The following PPFIA2 variants were observed in gnomAD, a reference collection of about 807,000 sequenced individuals.
PPFIA2 encodes PPFI scaffold protein A2.
In PPFIA2, 46 loss-of-function variants were observed where a neutral mutation model predicts 175.5. The ratio of observed to expected loss-of-function variants is 0.26; its 90% CI spans 0.21 to 0.34. The LOEUF (loss-of-function observed/expected upper bound fraction) is 0.34. PPFIA2 is among the 10% of genes least tolerant of loss of function. The pLI is 1.00. For synonymous variants in PPFIA2, 568 were observed against 511.4 expected, an observed-to-expected ratio of 1.11 and a Z score of -1.49; for missense variants, 1,179 against 1,506.1, an observed-to-expected ratio of 0.78 and a Z score of 3.60.
intron 9 of PPFIA2, among the ~76,000 whole-genome samples, chr12:81,383,506 C>G (rs1046588256): frequency 1.3e-5 from 2 of 151,712 alleles, no homozygotes; most frequent in African/African-American, 4.8e-5. Flanking sequence ...GACTAAAGTA[C>G]TCATTTTTTT....
chr12:81,593,241 C>T, intron 4 of PPFIA2, among the ~76,000 whole-genome samples: 1 of 151,868 alleles, frequency 6.6e-6, no homozygotes, highest in East Asian at 1.9e-4. Flanking sequence ...ATTAAAAATC[C>T]TCAAAAAGGC....
intron 23 of PPFIA2, chr12:81,297,925 T>G (rs2046886615): frequency 6.6e-6 from 1 of 152,262 alleles, no homozygotes; most frequent in Non-Finnish European, 1.5e-5. Context: ...TATTCCATTT[T>G]ATAATTTAAG....
At chr12:81,458,824 C>T (rs1307331840) in intron 4 of PPFIA2, among the ~76,000 whole-genome samples, 2 of 152,026 alleles carry the variant, frequency 1.3e-5, no homozygotes, top group Non-Finnish European at 2.9e-5. Flanking sequence ...TATCACCAAA[C>T]CCTTTAGAGT....
chr12:81,445,459 T>G, intron 6 of PPFIA2, 97 bp downstream of exon 6: 2 of 1,169,620 alleles, frequency 1.7e-6, no homozygotes. Context: ...CTCAACTGAC[T>G]GACTTTAGGA....
intron 9 of PPFIA2, among the ~76,000 whole-genome samples, chr12:81,376,546 T>C (rs1353424352): frequency 6.6e-6 from 1 of 152,136 alleles, no homozygotes; most frequent in East Asian, 1.9e-4. Context: ...CACATAAATA[T>C]AGGAAAAAAT....
At chr12:81,625,033 G>C (rs1459869126) in intron 4 of PPFIA2, among the ~76,000 whole-genome samples, 1 of 151,680 alleles carries the variant, frequency 6.6e-6, no homozygotes, top group Non-Finnish European at 1.5e-5. Flanking sequence ...GGCAGTATGG[G>C]AAATGTCACT....
chr12:81,425,904 A>G (rs1323370749), intron 7 of PPFIA2, among the ~76,000 whole-genome samples: 2 of 152,228 alleles, frequency 1.3e-5, no homozygotes, highest in Non-Finnish European at 2.9e-5. Flanking sequence ...AAAATATTCA[A>G]TTAAAAAAAT....
chr12:81,619,297 G>C (rs907041862), intron 4 of PPFIA2, among the ~76,000 whole-genome samples: 1 of 152,180 alleles, frequency 6.6e-6, no homozygotes, highest in Admixed American at 6.5e-5. Context: ...ATAAAGTGTG[G>C]TTAATCATAC....
Position 81,422,156 on chromosome 12 carries a change from A to G in PPFIA2, c.646-16253T>C, listed in dbSNP as rs201214053. On this transcript the variant is annotated intron_variant, in intron 7 of 32. Transcript: ENST00000549396. Reference sequence around the variant, plus strand: ...TATATATGTGTATATATATGTGTGTATATATATATATATATATGTCATTTT... The same window carrying G: ...TATATATGTGTATATATATGTGTGTGTATATATATATATATATGTCATTTT... Among the ~76,000 whole-genome samples, 239 of 102,454 alleles carry G rather than the reference A, an allele frequency of 2.3e-3. 6 individuals are homozygous for G. Among genetic ancestry groups the G allele is most frequent in the African/African-American group, 6.6e-3 (122 of 18,574 alleles). 67.2% of individuals were successfully genotyped at this position (102,454 alleles called of 152,430 possible).
At chr12:81,597,282 G>A (rs1178033828) in intron 4 of PPFIA2, among the ~76,000 whole-genome samples, 66 of 151,972 alleles carry the variant, frequency 4.3e-4, no homozygotes, top group Admixed American at 4.2e-3. Flanking sequence ...ACTGATGGCT[G>A]ATTTATTCAC....
In PPFIA2 at chr12:81,405,869, T is replaced by C; in HGVS notation, c.680A>G (p.Gln227Arg). 6.3e-7 allele frequency: 1 copy of C among 1,576,314 alleles called. No homozygotes were observed. Among genetic ancestry groups the C allele is most frequent in the Non-Finnish European group, 8.6e-7 (1 of 1,158,832 alleles). The change falls in exon 8 of 33, where the codon CAA becomes CGA. Residue 227 changes from glutamine to arginine, a missense_variant. Gln to Arg is a conservative substitution (Grantham distance 43). This residue lies in a region of PPFIA2 where 226 missense variants were observed against 216.6 expected (regional missense o/e 1.04). Transcript: ENST00000549396. Reference sequence around the variant, plus strand: ...TCCCTCGCTTGATGCCATTTTTCTTTGTATATGAACATTTTGTTCACGCAA... The same window carrying C: ...TCCCTCGCTTGATGCCATTTTTCTTCGTATATGAACATTTTGTTCACGCAA... ...VALREQNVHI[Q>R]RKMASSEGST... is the part of the protein sequence containing the mutation.
intron 4 of PPFIA2, among the ~76,000 whole-genome samples, chr12:81,666,870 C>T (rs1439135768): frequency 6.6e-6 from 1 of 152,172 alleles, no homozygotes; most frequent in East Asian, 1.9e-4. Context: ...TTGAGGCTGA[C>T]TTTCCAGAGT....
At chr12:81,730,155 T>C (rs186932613) in intron 3 of PPFIA2, among the ~76,000 whole-genome samples, 102 of 151,772 alleles carry the variant, frequency 6.7e-4, no homozygotes, top group Non-Finnish European at 1.0e-4. Flanking sequence ...ATATGTTCCT[T>C]TCCTCCTTTG....
chr12:81,610,421 A>T (rs1042146872), intron 4 of PPFIA2, among the ~76,000 whole-genome samples: 6 of 152,320 alleles, frequency 3.9e-5, no homozygotes, highest in South Asian at 2.1e-4. Flanking sequence ...CATATTTCAT[A>T]GAGGTTTTGT....
At chr12:81,628,209 G>A (rs991383366) in intron 4 of PPFIA2, among the ~76,000 whole-genome samples, 2 of 151,762 alleles carry the variant, frequency 1.3e-5, no homozygotes, top group Non-Finnish European at 2.9e-5. Context: ...TTAATCAACC[G>A]AGCACCTCTA....
chr12:81,668,638 T>A (rs1219760511), intron 4 of PPFIA2, among the ~76,000 whole-genome samples: 1 of 151,964 alleles, frequency 6.6e-6, no homozygotes, highest in Non-Finnish European at 1.5e-5. Flanking sequence ...CCTGCAGTAC[T>A]CCCTACCAGC....
At chr12:81,504,849 A>G (rs914846220) in intron 4 of PPFIA2, among the ~76,000 whole-genome samples, 2 of 152,188 alleles carry the variant, frequency 1.3e-5, no homozygotes, top group South Asian at 2.1e-4. Flanking sequence ...TTGCAGGGAC[A>G]TGGATGAAGC....
At chr12:81,667,837 A>T (rs1002915797) in intron 4 of PPFIA2, among the ~76,000 whole-genome samples, 1 of 152,054 alleles carries the variant, frequency 6.6e-6, no homozygotes, top group Non-Finnish European at 1.5e-5. Flanking sequence ...AACTTTTCTG[A>T]TCACCCCACC....
chr12:81,270,019 A>G (rs1307920173), intron 28 of PPFIA2, among the ~76,000 whole-genome samples: 1 of 152,204 alleles, frequency 6.6e-6, no homozygotes, highest in African/African-American at 2.4e-5. Flanking sequence ...AATCACCACT[A>G]AAGAACTTGT....
Sources: allele counts gnomAD v4.1 joint callset (sites outside exome capture counted in the v4.1 genomes callset), GRCh38; gene constraint gnomAD v4.1.1; regional missense constraint gnomAD v4.1.1; transcripts MANE v1.5; gene names NCBI Gene and HGNC (gene_info 2026-07-23, HGNC 2026-07-21).